OR2C1: variants seen among roughly 807,000 people sequenced by gnomAD.
OR2C1 encodes olfactory receptor 2C1.
For synonymous variants in OR2C1, 209 were observed against 167.3 expected (o/e 1.25, Z -1.92); for missense variants, 468 against 388.3 (o/e 1.21, Z -1.73).
At chr16:3,335,226 C>A in the OR2C1 span, among the ~76,000 whole-genome samples, 2 of 152,134 alleles carry the variant, frequency 1.3e-5, no homozygotes, top group East Asian at 3.8e-4. Flanking sequence ...ATGTCATTGG[C>A]ATTTTGATAG....
the OR2C1 span, among the ~76,000 whole-genome samples, chr16:3,346,925 C>T: frequency 4.6e-5 from 7 of 150,918 alleles, no homozygotes; most frequent in African/African-American, 1.7e-4. Context: ...AGCCACCACC[C>T]CTGGCCTCCT....
At chr16:3,353,796 A>T (rs1035772905), upstream of OR2C1, among the ~76,000 whole-genome samples, 2 of 151,756 alleles carry the variant, frequency 1.3e-5, no homozygotes, top group South Asian at 4.2e-4. Flanking sequence ...GCTAGACTCC[A>T]TCTCAAAAAA....
chr16:3,336,110 G>C, the OR2C1 span, among the ~76,000 whole-genome samples: 9 of 152,166 alleles, frequency 5.9e-5, no homozygotes, highest in African/African-American at 2.2e-4. Context: ...CCTAGGTGGT[G>C]AGAGTTTTTA....
upstream of OR2C1, among the ~76,000 whole-genome samples, chr16:3,353,634 C>G (rs560394638): frequency 1.5e-3 from 224 of 152,146 alleles, 2 homozygotes; most frequent in African/African-American, 5.0e-3. Context: ...AACCCCGCCT[C>G]TACTAAAAAT....
chr16:3,338,811 C>A, the OR2C1 span, among the ~76,000 whole-genome samples: 4 of 151,892 alleles, frequency 2.6e-5, no homozygotes, highest in African/African-American at 7.3e-5. Context: ...GCTGGGATTA[C>A]GGGCTTGAGC....
chr16:3,333,211 A>ATTTT, the OR2C1 span, among the ~76,000 whole-genome samples: 4 of 65,856 alleles, frequency 6.1e-5, no homozygotes, highest in African/African-American at 1.9e-4. Context: ...TCTTTTGCCC[A>ATTTT]TTTTTTTTTT....
chr16:3,348,666 C>T, the OR2C1 span, among the ~76,000 whole-genome samples: 1 of 152,154 alleles, frequency 6.6e-6, no homozygotes, highest in Non-Finnish European at 1.5e-5. Flanking sequence ...CACCCTGTAC[C>T]CCACCTGCAC....
upstream of OR2C1, among the ~76,000 whole-genome samples, chr16:3,352,967 T>G (rs578136216): frequency 6.6e-6 from 1 of 151,428 alleles, no homozygotes; most frequent in East Asian, 2.0e-4. Context: ...GGTCTCGAAC[T>G]CCCGACCTCA....
At chr16:3,351,971 C>T (rs1322703153), upstream of OR2C1, among the ~76,000 whole-genome samples, 35 of 151,184 alleles carry the variant, frequency 2.3e-4, no homozygotes. Flanking sequence ...TCCATTCAGC[C>T]AGAATTGTTT....
chr16:3,333,210 C>CTTTTTTTTTTTTTTT, the OR2C1 span, among the ~76,000 whole-genome samples: 5 of 33,028 alleles, frequency 1.5e-4, 2 homozygotes, highest in African/African-American at 2.8e-4. Context: ...ATCTTTTGCC[C>CTTTTTTTTTTTTTTT]ATTTTTTTTT....
chr16:3,339,356 A>G, the OR2C1 span, among the ~76,000 whole-genome samples: 1 of 151,514 alleles, frequency 6.6e-6, no homozygotes, highest in Non-Finnish European at 1.5e-5. Flanking sequence ...CCTGTTTTCA[A>G]TTCTTTTGGG....
the OR2C1 span, chr16:3,323,952 T>A: frequency 1.3e-5 from 9 of 680,574 alleles, no homozygotes; most frequent in Admixed American, 1.2e-4. Flanking sequence ...CTGCTGATCC[T>A]TACTGTTGAA....
chr16:3,335,327 A>AT, the OR2C1 span, among the ~76,000 whole-genome samples: 2 of 151,918 alleles, frequency 1.3e-5, no homozygotes, highest in Non-Finnish European at 2.9e-5. Context: ...ATATGTTTCC[A>AT]TTTTTTGGTG....
the OR2C1 span, among the ~76,000 whole-genome samples, chr16:3,347,014 G>T: frequency 6.6e-6 from 1 of 150,526 alleles, no homozygotes; most frequent in African/African-American, 2.4e-5. Flanking sequence ...GGAGGCTGAG[G>T]TGGGCAGATC....
the OR2C1 span, among the ~76,000 whole-genome samples, chr16:3,336,712 CT>C: frequency 2.8e-4 from 27 of 96,770 alleles, no homozygotes; most frequent in Admixed American, 5.4e-4. Context: ...TTCTTTCTTT[CT>C]TTTTTTTTTT....
the OR2C1 span, among the ~76,000 whole-genome samples, chr16:3,329,169 G>GACACACACACACACACACAC: frequency 3.1e-3 from 361 of 115,132 alleles, 10 homozygotes; most frequent in Admixed American, 7.6e-3. Flanking sequence ...TGGGAGGGAA[G>GACACACACACACACACACAC]ACACACACAC....
Position 3,356,513 on chromosome 16 carries a change from C to T in OR2C1, c.573C>T (p.Asp191=). The T allele has an allele frequency of 6.2e-7, 1 of 1,614,170 alleles. No individual in the cohort carries two copies. ...CCATGATCAAACTGGCCTGTGGCGA[C>T]ACAAGTCTCAACCAGGCTGTGCTCA... ...VPAMIKLACG[D]TSLNQAVLNG... is the part of the protein sequence containing the mutation. The change falls in exon 1 of 1, where the codon GAC becomes GAT. Residue 191 remains aspartate (D), a synonymous_variant. Coordinates refer to ENST00000304936, the MANE Select transcript of OR2C1 (RefSeq NM_012368.3).
At chr16:3,332,708 A>C in the OR2C1 span, among the ~76,000 whole-genome samples, 1 of 108,832 alleles carries the variant, frequency 9.2e-6, no homozygotes, top group Non-Finnish European at 1.9e-5. Context: ...GCTGAATAAT[A>C]ATATTCTATT....
At chr16:3,357,941 A>C (rs1188606014), downstream of OR2C1, among the ~76,000 whole-genome samples, 1 of 151,976 alleles carries the variant, frequency 6.6e-6, no homozygotes, top group African/African-American at 2.4e-5. Context: ...AGATCGTGCC[A>C]TTGCACTCCA....
Sources: allele counts gnomAD v4.1 joint callset (sites outside exome capture counted in the v4.1 genomes callset), GRCh38; gene constraint gnomAD v4.1.1; transcripts MANE v1.5; gene names NCBI Gene and HGNC (gene_info 2026-07-23, HGNC 2026-07-21).